The following SLC28A2 variants were observed in gnomAD, a reference collection of about 807,000 sequenced individuals.
SLC28A2 encodes the protein sodium/nucleoside cotransporter 2.
A neutral mutation model predicts 72.9 loss-of-function variants in SLC28A2; 69 were observed. That is an observed-to-expected ratio of 0.95 (90% CI 0.78 to 1.16). The LOEUF (loss-of-function observed/expected upper bound fraction) is 1.16. Ranked by LOEUF, SLC28A2 falls within the 50% of genes most tolerant of loss-of-function variation. The probability of loss-of-function intolerance (pLI) is 0.00; values close to 1 mark genes in which losing one functional copy is unlikely to be tolerated. For missense variants in SLC28A2, 745 were observed against 791.1 expected (o/e 0.94, Z 0.70); for synonymous variants, 296 against 294.1 (o/e 1.01, Z -0.07).
At chr15:45,253,168 CT>C in intron 1 of SLC28A2, 31 bp from the exon 2 acceptor site, 2 of 1,412,190 alleles carry the variant, frequency 1.4e-6, no homozygotes, top group Non-Finnish European at 2.0e-6. Flanking sequence ...AATGACCAAT[CT>C]TTCAGGCTTG....
intron 15 of SLC28A2, among the ~76,000 whole-genome samples, chr15:45,271,519 AC>A (rs904447988): frequency 6.6e-6 from 1 of 151,540 alleles, no homozygotes; most frequent in Admixed American, 6.6e-5. Flanking sequence ...CTGTGATTGC[AC>A]CACTGCACTC....
Position 45,275,566 on chromosome 15 carries a change from C to G in SLC28A2, c.*53C>G. The G allele has an allele frequency of 8.5e-7, 1 of 1,169,836 alleles. No individual in the cohort carries two copies. The highest frequency in any genetic ancestry group is 1.3e-6 in the Non-Finnish European group (1 of 782,882). 72.5% of individuals were successfully genotyped at this position (1,169,836 alleles called of 1,614,324 possible). A position where few individuals can be genotyped will look rare whatever the true frequency, so the allele number is the denominator to read the frequency against. ...TTTGATCTTAAAAGCTTTGTGATTG[C>G]AAAGGTGTTTATGTACTCAGGGTGC... On this transcript the variant is annotated 3_prime_UTR_variant, in exon 18 of 18. Transcript: ENST00000347644.
At position 45,277,649 on chromosome 15, in the gene SLC28A2, G is replaced by A. The variant is rs1900787808; in HGVS notation, c.*2136G>A. ...GACAGAAGGGAGATGGTGGTTGCCA[G>A]GGCCTGGGGAAGGAGGGATTAGAGA... On this transcript the variant is annotated 3_prime_UTR_variant, in exon 18 of 18. Transcript: ENST00000347644. 2 of 142,902 alleles carry A rather than the reference G, an allele frequency of 1.4e-5. No individual in the cohort carries two copies. Among genetic ancestry groups the A allele is most frequent in the South Asian group, 4.5e-4 (2 of 4,466 alleles). The allele number at this position is 142,902 out of a possible 1,614,324, so 8.9% of individuals were successfully genotyped here. A position where few individuals can be genotyped will look rare whatever the true frequency, so the allele number is the denominator to read the frequency against.
At chr15:45,268,982 A>G (rs570579176) in intron 13 of SLC28A2, among the ~76,000 whole-genome samples, 2 of 132,686 alleles carry the variant, frequency 1.5e-5, no homozygotes, top group South Asian at 2.4e-4. Context: ...ACACATGGAC[A>G]CAGGAAAGGG....
At chr15:45,253,584 A>C in intron 3 of SLC28A2, 64 bp downstream of exon 3, 1 of 1,004,736 alleles carries the variant, frequency 1.0e-6, no homozygotes, top group Non-Finnish European at 1.6e-6. Context: ...CCCTTCAGGC[A>C]GCTTGTGGTA....
chr15:45,269,327 C>A lies in SLC28A2; in HGVS notation c.1369-11C>A. On this transcript the variant is annotated splice_polypyrimidine_tract_variant and intron_variant, in intron 13 of 17. Transcript: ENST00000347644. ...TCCTTCCTTTTCCTGTGATATCTCT[C>A]TTTCACTCAGGTCATCTGCTCCTAT... is the stretch of plus-strand genomic sequence containing the variant. 6.2e-7 allele frequency: 1 copy of A among 1,611,754 alleles called. No homozygotes were observed.
In SLC28A2 at chr15:45,263,091, T is replaced by C. The variant is rs1304014023; in HGVS notation, c.293T>C (p.Ile98Thr). 2 of 1,613,844 alleles carry C rather than the reference T, an allele frequency of 1.2e-6. No individual in the cohort carries two copies. The highest frequency in any genetic ancestry group is 1.7e-5 in the Admixed American group (1 of 59,974). The change falls in exon 5 of 18, where the codon ATC (isoleucine) becomes ACC (threonine). Residue 98 changes from isoleucine to threonine, a missense_variant. Ile to Thr is a moderately conservative substitution (Grantham distance 89). Transcript: ENST00000347644. ...GCTGCCTATCTCCTGGCAGCTTGCA[T>C]CTTGAATTTCCAGAGGGCACTGGCC... Reference protein sequence around the residue: ...AYAAYLLAACILNFQRALALF... With the variant: ...AYAAYLLAACTLNFQRALALF...
intron 3 of SLC28A2, 24 bp from the exon 4 acceptor site, chr15:45,261,991 T>A: frequency 6.7e-7 from 1 of 1,486,652 alleles, no homozygotes; most frequent in Non-Finnish European, 9.4e-7. Context: ...AATTCTTGTA[T>A]CTTAACTTTT....
chr15:45,258,712 G>C (rs933743268), intron 3 of SLC28A2, among the ~76,000 whole-genome samples: 1 of 152,080 alleles, frequency 6.6e-6, no homozygotes, highest in African/African-American at 2.4e-5. Flanking sequence ...GTATTTCATT[G>C]TAAGAATCTA....
chr15:45,254,133 ATTGT>A (rs1302660454), intron 3 of SLC28A2, among the ~76,000 whole-genome samples: 2 of 152,324 alleles, frequency 1.3e-5, no homozygotes, highest in African/African-American at 4.8e-5. Flanking sequence ...GTCAAAGAAA[ATTGT>A]TTGAGTAAAA....
At position 45,274,799 on chromosome 15, in the gene SLC28A2, C is replaced by G. The variant is rs1350869422; in HGVS notation, c.1860-597C>G. Among the ~76,000 whole-genome samples the G allele has an allele frequency of 2.7e-5, 4 of 150,500 alleles. No homozygotes were observed. The East Asian group carries it at 7.8e-4, about 29-fold the overall frequency. ...TCACTCTGTTGCCCCGGCTGGGGTG[C>G]AGTGGCACAATCTTGGCCCAGGCTC... On this transcript the variant is annotated intron_variant, in intron 17 of 17. Transcript: ENST00000347644.
At chr15:45,269,311 T>C in intron 13 of SLC28A2, 27 bp from the exon 14 acceptor site, 1 of 1,601,006 alleles carries the variant, frequency 6.2e-7, no homozygotes, top group South Asian at 1.1e-5. Context: ...GTCCTTCCTT[T>C]TCCTGTGATA....
chr15:45,254,310 C>T (rs1012970377), intron 3 of SLC28A2, among the ~76,000 whole-genome samples: 5 of 152,002 alleles, frequency 3.3e-5, no homozygotes, highest in East Asian at 1.9e-4. Flanking sequence ...AATGATGGAC[C>T]GCATTATACA....
At chr15:45,269,195 G>A in intron 13 of SLC28A2, 143 bp from the exon 14 acceptor site, 1 of 660,816 alleles carries the variant, frequency 1.5e-6, no homozygotes, top group South Asian at 1.9e-5. Context: ...AACCATGCAT[G>A]TCCTTCTGAC....
intron 6 of SLC28A2, 68 bp downstream of exon 6, chr15:45,264,090 G>A (rs758597232): frequency 1.7e-5 from 24 of 1,422,374 alleles, no homozygotes; most frequent in East Asian, 2.4e-5. Flanking sequence ...ATCATAAAGC[G>A]TATGCATCAA....
rs767326360 is a variant in SLC28A2 at position 45,264,739 on chromosome 15, G to A, written c.673G>A (p.Val225Ile). ...LVIRTDLGYT[V>I]FQWLGEQVQI... ...CATCAGAACTGATCTTGGATATACT[G>A]TATTTCAGTGGCTGGGAGAGCAGGT... Residue 225 changes from valine to isoleucine, a missense_variant, in exon 7 of 18, where the codon GTA becomes ATA. Transcript: ENST00000347644. 1 of 1,612,792 alleles carries A rather than the reference G, an allele frequency of 6.2e-7. No individual in the cohort carries two copies. Among genetic ancestry groups the A allele is most frequent in the Non-Finnish European group, 8.5e-7 (1 of 1,178,800 alleles).
At chr15:45,264,098 C>T (rs538053631) in intron 6 of SLC28A2, 76 bp downstream of exon 6, 101 of 1,366,088 alleles carry the variant, frequency 7.4e-5, no homozygotes, top group Non-Finnish European at 9.5e-5. Context: ...GCGTATGCAT[C>T]AAGTGTTAAT....
chr15:45,254,954 A>T (rs1180707759), intron 3 of SLC28A2, among the ~76,000 whole-genome samples: 2 of 152,166 alleles, frequency 1.3e-5, no homozygotes, highest in African/African-American at 4.8e-5. Context: ...ATGCTAGTAA[A>T]TGTTTAAGAA....
chr15:45,256,714 T>A (rs370709157), intron 3 of SLC28A2, among the ~76,000 whole-genome samples: 2 of 152,054 alleles, frequency 1.3e-5, no homozygotes, highest in African/African-American at 4.8e-5. Flanking sequence ...CGGCCTACTT[T>A]TCTTTATCAA....
Sources: allele counts gnomAD v4.1 joint callset (sites outside exome capture counted in the v4.1 genomes callset), GRCh38; gene constraint gnomAD v4.1.1; transcripts MANE v1.5; gene names NCBI Gene and HGNC (gene_info 2026-07-23, HGNC 2026-07-21).